DLG2: variants seen among roughly 807,000 people sequenced by gnomAD.
DLG2 encodes the protein disks large homolog 2.
A neutral mutation model predicts 132.5 loss-of-function variants in DLG2; 45 were observed. That is an observed-to-expected ratio of 0.34 (90% confidence interval 0.27 to 0.44). The LOEUF is 0.44. Among genes scored for constraint, DLG2 ranks in the 20% least tolerant of loss-of-function variants. The probability of loss-of-function intolerance (pLI) is 1.00; values close to 1 mark genes in which losing one functional copy is unlikely to be tolerated. For synonymous variants in DLG2, 424 were observed against 419.6 expected, an observed-to-expected ratio of 1.01 and a Z score of -0.13; for missense variants, 1,045 against 1,196.9, an observed-to-expected ratio of 0.87 and a Z score of 1.87.
At chr11:85,353,774 T>C (rs188429174) in intron 3 of DLG2, among the ~76,000 whole-genome samples, 1 of 151,892 alleles carries the variant, frequency 6.6e-6, no homozygotes, top group African/African-American at 2.4e-5. Flanking sequence ...CACTCATAGG[T>C]GGGAATTCAA....
chr11:85,072,126 T>G (rs1339941037), intron 6 of DLG2, among the ~76,000 whole-genome samples: 1 of 151,898 alleles, frequency 6.6e-6, no homozygotes, highest in African/African-American at 2.4e-5. Flanking sequence ...ATTGTTACAA[T>G]TGTACCTGCT....
chr11:84,970,298 G>C (rs776895140), intron 6 of DLG2, among the ~76,000 whole-genome samples: 21 of 152,114 alleles, frequency 1.4e-4, no homozygotes, highest in Non-Finnish European at 1.5e-4. Context: ...TCTGAACACT[G>C]TCTCTACTCC....
At chr11:83,610,822 T>C (rs1015932228) in intron 19 of DLG2, among the ~76,000 whole-genome samples, 8 of 152,156 alleles carry the variant, frequency 5.3e-5, no homozygotes, top group Admixed American at 6.5e-5. Flanking sequence ...TTATCCACAA[T>C]AGAAAGAGGA....
intron 11 of DLG2, among the ~76,000 whole-genome samples, chr11:83,985,325 C>T (rs993405007): frequency 1.3e-5 from 2 of 151,936 alleles, no homozygotes; most frequent in African/African-American, 4.8e-5. Flanking sequence ...GCATCCTTGA[C>T]GTTTCTTTTT....
At chr11:83,864,799 G>T (rs1398300638) in intron 16 of DLG2, among the ~76,000 whole-genome samples, 1 of 149,234 alleles carries the variant, frequency 6.7e-6, no homozygotes, top group African/African-American at 2.5e-5. Context: ...GTCTCTGAGG[G>T]ATTGAAATAT....
intron 18 of DLG2, among the ~76,000 whole-genome samples, chr11:83,678,434 C>T (rs1233503119): frequency 1.3e-5 from 2 of 152,146 alleles, no homozygotes; most frequent in Admixed American, 1.3e-4. Flanking sequence ...TTCATAGTTT[C>T]TTCCTGCACT....
chr11:85,395,639 A>G (rs539841769), intron 3 of DLG2, among the ~76,000 whole-genome samples: 1 of 152,290 alleles, frequency 6.6e-6, no homozygotes, highest in South Asian at 2.1e-4. Flanking sequence ...CTGCCCACAG[A>G]GACTTGCTCA....
At chr11:84,645,907 A>C (rs1477445345) in intron 6 of DLG2, among the ~76,000 whole-genome samples, 2 of 152,224 alleles carry the variant, frequency 1.3e-5, no homozygotes, top group African/African-American at 2.4e-5. Flanking sequence ...TGGACATAGG[A>C]AACCTGGTTC....
At chr11:85,439,790 A>G in intron 3 of DLG2, among the ~76,000 whole-genome samples, 1 of 152,212 alleles carries the variant, frequency 6.6e-6, no homozygotes, top group East Asian at 1.9e-4. Flanking sequence ...AAGAAGACAC[A>G]TTGCATATTA....
chr11:85,321,937 T>C (rs1369576416), intron 3 of DLG2, among the ~76,000 whole-genome samples: 2 of 151,938 alleles, frequency 1.3e-5, no homozygotes, highest in Non-Finnish European at 2.9e-5. Flanking sequence ...AATGGGGCAG[T>C]TCCGAGAGAA....
chr11:85,363,710 A>G (rs1396046789), intron 3 of DLG2, among the ~76,000 whole-genome samples: 2 of 152,228 alleles, frequency 1.3e-5, no homozygotes, highest in Non-Finnish European at 2.9e-5. Flanking sequence ...AACAGACATC[A>G]TGCTAGGATC....
At chr11:84,453,134 T>C (rs72943705) in intron 7 of DLG2, among the ~76,000 whole-genome samples, 5,595 of 151,692 alleles carry the variant, frequency 0.037, 119 homozygotes, top group African/African-American at 0.055. Context: ...AGATATCTTT[T>C]AGACATCTGA....
At chr11:84,144,019 A>C in intron 9 of DLG2, among the ~76,000 whole-genome samples, 1 of 152,084 alleles carries the variant, frequency 6.6e-6, no homozygotes, top group Non-Finnish European at 1.5e-5. Context: ...GATTATGTTG[A>C]CTAAGAAAGG....
chr11:83,633,258 G>A lies in DLG2; in HGVS notation c.1893C>T (p.Ser631=), dbSNP rs778537266. 15 of 1,613,658 alleles carry A rather than the reference G, an allele frequency of 9.3e-6. No homozygotes were observed. The highest frequency in any genetic ancestry group is 1.7e-5 in the Admixed American group (1 of 59,950). Residue 631 remains serine (S), a synonymous_variant, in exon 19 of 28, where the codon TCC becomes TCT. Coordinates refer to ENST00000376104, the MANE Select transcript of DLG2 (RefSeq NM_001142699.3). ...GATTGGTTCGCAGGGATCCGGACCC[G>A]GAGCTCATGCTGTGGTTCATCATCT... ...REQMMNHSMS[S]GSGSLRTNQK... is the part of the protein sequence containing the mutation.
intron 2 of DLG2, among the ~76,000 whole-genome samples, chr11:85,621,252 T>C (rs1267236636): frequency 6.6e-6 from 1 of 152,012 alleles, no homozygotes; most frequent in Non-Finnish European, 1.5e-5. Context: ...CAAATATTAC[T>C]ACTCATTGAC....
At chr11:84,724,088 G>A (rs1198293699) in intron 6 of DLG2, among the ~76,000 whole-genome samples, 4 of 151,904 alleles carry the variant, frequency 2.6e-5, no homozygotes, top group African/African-American at 7.3e-5. Context: ...TTCATGTTGC[G>A]AGGGAAAAGA....
intron 10 of DLG2, among the ~76,000 whole-genome samples, chr11:84,073,793 T>C (rs1274814670): frequency 1.3e-5 from 2 of 152,226 alleles, no homozygotes; most frequent in African/African-American, 2.4e-5. Context: ...CAAACTGTAA[T>C]GTTGCTTCTT....
intron 6 of DLG2, among the ~76,000 whole-genome samples, chr11:84,995,678 T>C (rs985034411): frequency 6.6e-6 from 1 of 152,186 alleles, no homozygotes; most frequent in African/African-American, 2.4e-5. Flanking sequence ...ATTCATATTA[T>C]GGTTAGAAAT....
chr11:85,080,732 T>A (rs556408930), intron 6 of DLG2, among the ~76,000 whole-genome samples: 2 of 152,118 alleles, frequency 1.3e-5, no homozygotes, highest in African/African-American at 4.8e-5. Context: ...ATATTTTATA[T>A]AGACCCTTTT....
Sources: gnomAD v4.1 joint callset for allele counts (sites outside exome capture counted in the v4.1 genomes callset) on GRCh38, gnomAD v4.1.1 for gene constraint, MANE v1.5 for transcripts, NCBI Gene and HGNC (gene_info 2026-07-23, HGNC 2026-07-21) for gene names.